Variants in GAPVD1 observed in about 807,000 individuals in gnomAD.
The protein encoded by GAPVD1 is GTPase-activating protein and VPS9 domain-containing protein 1.
A neutral mutation model predicts 155.5 loss-of-function variants in GAPVD1; 35 were observed. That is an observed-to-expected ratio of 0.23 (90% CI 0.17 to 0.30). GAPVD1 has a LOEUF of 0.30. GAPVD1 is among the 10% of genes least tolerant of loss of function. The pLI is 1.00. For synonymous variants in GAPVD1, 636 were observed against 619.7 expected, an observed-to-expected ratio of 1.03 and a Z score of -0.39; for missense variants, 1,429 against 1,775.7, an observed-to-expected ratio of 0.80 and a Z score of 3.51.
intron 1 of GAPVD1, among the ~76,000 whole-genome samples, chr9:125,262,608 C>T (rs1369782631): frequency 6.6e-6 from 1 of 152,102 alleles, no homozygotes; most frequent in Non-Finnish European, 1.5e-5. Flanking sequence ...AACAGGGAGA[C>T]ATAGTGATAG....
In GAPVD1 at chr9:125,298,637, C is replaced by G. The variant is rs565611745; in HGVS notation, c.-32-253C>G. On this transcript the variant is annotated intron_variant, in intron 3 of 27. Coordinates refer to ENST00000297933, the MANE Select transcript of GAPVD1 (RefSeq NM_001282680.3). ...CTGAGTAGCCGGGACTACAGGCGCG[C>G]CCCACCGCACCTGGCTAATTTTTTG... Among the ~76,000 whole-genome samples, 9 of 151,644 alleles carry G rather than the reference C, an allele frequency of 5.9e-5. No individual in the cohort carries two copies. The South Asian group carries it at 1.9e-3, about 32-fold the overall frequency.
Position 125,364,467 on chromosome 9 carries a change from A to G in GAPVD1, c.*1721A>G, listed in dbSNP as rs1189967192. 2.0e-5 allele frequency: 3 copies of G among 152,100 alleles called. No homozygotes were observed. Among genetic ancestry groups the G allele is most frequent in the African/African-American group, 7.3e-5 (3 of 41,378 alleles). The allele number at this position is 152,100 out of a possible 1,614,324, so 9.4% of individuals were successfully genotyped here. On this transcript the variant is annotated 3_prime_UTR_variant, in exon 28 of 28. Transcript: ENST00000297933. ...ACCATGTTGGCCAGGATGATCCTCA[A>G]TCTCCTGACCTCGTGATCCACCCGC...
At chr9:125,281,998 A>AT (rs1836866282) in intron 2 of GAPVD1, among the ~76,000 whole-genome samples, 1 of 152,132 alleles carries the variant, frequency 6.6e-6, no homozygotes, top group African/African-American at 2.4e-5. Flanking sequence ...TTTTTAAAAA[A>AT]TTTTAATTTT....
chr9:125,265,895 CCTGTCT>C (rs1209346263), intron 1 of GAPVD1, among the ~76,000 whole-genome samples: 1 of 143,466 alleles, frequency 7.0e-6, no homozygotes, highest in Non-Finnish European at 1.5e-5. Flanking sequence ...AAGTGAGACC[CCTGTCT>C]CTATTAAAAA....
intron 3 of GAPVD1, among the ~76,000 whole-genome samples, chr9:125,295,939 A>G (rs1839783578): frequency 6.6e-6 from 1 of 152,160 alleles, no homozygotes; most frequent in African/African-American, 2.4e-5. Flanking sequence ...TATTTGTTCA[A>G]TTACATTGAA....
At chr9:125,356,747 C>A (rs1850136846) in intron 25 of GAPVD1, among the ~76,000 whole-genome samples, 2 of 152,214 alleles carry the variant, frequency 1.3e-5, no homozygotes, top group African/African-American at 4.8e-5. Flanking sequence ...TCTCAGCTCA[C>A]TGCAGCCTCT....
In GAPVD1 at chr9:125,355,744, C is replaced by G. The variant is rs777272077; in HGVS notation, c.3858C>G (p.Asn1286Lys). 1 of 1,613,058 alleles carries G rather than the reference C, an allele frequency of 6.2e-7. No individual in the cohort carries two copies. Among genetic ancestry groups the G allele is most frequent in the Non-Finnish European group, 8.5e-7 (1 of 1,179,068 alleles). The change falls in exon 25 of 28, where the codon AAC (asparagine) becomes AAG (lysine). Residue 1286 changes from asparagine (N) to lysine (K), a missense_variant. By Grantham distance (94) the Asn-to-Lys change is moderately conservative (BLOSUM62 0). This residue lies in a region of GAPVD1 where 699 missense variants were observed against 826.0 expected (regional missense o/e 0.85). Transcript: ENST00000297933. ...TGGCCCAGGATGTCATATGGCAAAA[C>G]GCGAGTGAAGAACAGCTTCAAGATG... ...GAMAQDVIWQ[N>K]ASEEQLQDAQ...
At chr9:125,297,219 A>C (rs1467114094) in intron 3 of GAPVD1, among the ~76,000 whole-genome samples, 2 of 152,192 alleles carry the variant, frequency 1.3e-5, no homozygotes, top group East Asian at 3.8e-4. Flanking sequence ...TCCTGCTGTG[A>C]ACTAGGCCGT....
intron 2 of GAPVD1, among the ~76,000 whole-genome samples, chr9:125,289,127 A>G (rs1838195707): frequency 1.3e-5 from 2 of 152,134 alleles, no homozygotes; most frequent in East Asian, 3.8e-4. Context: ...AATTATTGAT[A>G]CTGCCTACTT....
At chr9:125,278,186 A>G (rs1490711512) in intron 2 of GAPVD1, among the ~76,000 whole-genome samples, 1 of 152,194 alleles carries the variant, frequency 6.6e-6, no homozygotes, top group African/African-American at 2.4e-5. Context: ...CATCTATTGT[A>G]TGGATTGGTT....
chr9:125,361,210 G>T (rs1850863634), intron 27 of GAPVD1, among the ~76,000 whole-genome samples: 1 of 152,086 alleles, frequency 6.6e-6, no homozygotes, highest in South Asian at 2.1e-4. Context: ...GAAAGGATGG[G>T]AGGACTAGAT....
At chr9:125,341,110 G>C in intron 17 of GAPVD1, 67 bp from the exon 18 acceptor site, 1 of 867,032 alleles carries the variant, frequency 1.2e-6, no homozygotes. Flanking sequence ...CAAACAAAAA[G>C]AAATCCTTTT....
chr9:125,268,037 G>T (rs928341087), intron 1 of GAPVD1, among the ~76,000 whole-genome samples: 3 of 151,834 alleles, frequency 2.0e-5, no homozygotes, highest in African/African-American at 7.3e-5. Flanking sequence ...GGTGGCTCGC[G>T]CCTGTAATCC....
chr9:125,269,544 C>G (rs116775693), intron 2 of GAPVD1, among the ~76,000 whole-genome samples: 3,065 of 151,460 alleles, frequency 0.02, 79 homozygotes, highest in African/African-American at 0.068. Flanking sequence ...GGCTGGAGTG[C>G]AGCCTCCCGA....
At chr9:125,281,779 A>G (rs897790959) in intron 2 of GAPVD1, among the ~76,000 whole-genome samples, 2 of 151,926 alleles carry the variant, frequency 1.3e-5, no homozygotes, top group African/African-American at 4.8e-5. Context: ...ATGTGTGTGG[A>G]TGAAGCACAC....
At chr9:125,316,878 T>C (rs914413076) in intron 9 of GAPVD1, among the ~76,000 whole-genome samples, 2 of 152,244 alleles carry the variant, frequency 1.3e-5, no homozygotes, top group African/African-American at 2.4e-5. Context: ...AGTGTTCCTG[T>C]TTCTCCACAT....
At chr9:125,298,390 A>G (rs1326982839) in intron 3 of GAPVD1, among the ~76,000 whole-genome samples, 1 of 150,448 alleles carries the variant, frequency 6.6e-6, no homozygotes, top group East Asian at 1.9e-4. Context: ...GTATTTACCA[A>G]TTTTTCTATG....
At chr9:125,280,817 C>T (rs937016832) in intron 2 of GAPVD1, among the ~76,000 whole-genome samples, 6 of 151,926 alleles carry the variant, frequency 3.9e-5, no homozygotes, top group African/African-American at 1.2e-4. Context: ...CCTTGTGATC[C>T]GCCTGTCTCG....
At chr9:125,271,771 G>C (rs1226376305) in intron 2 of GAPVD1, among the ~76,000 whole-genome samples, 2 of 152,044 alleles carry the variant, frequency 1.3e-5, no homozygotes, top group African/African-American at 4.8e-5. Context: ...TGCTAGTCTT[G>C]AACTCCTGAC....
Sources: gnomAD v4.1 joint callset for allele counts (sites outside exome capture counted in the v4.1 genomes callset) on GRCh38, gnomAD v4.1.1 for gene constraint, gnomAD v4.1.1 regional missense constraint, MANE v1.5 for transcripts, NCBI Gene and HGNC (gene_info 2026-07-23, HGNC 2026-07-21) for gene names.